TMEM108: variants seen among roughly 807,000 people sequenced by gnomAD.
TMEM108 encodes cancer/testis antigen 124.
In TMEM108, 12 loss-of-function variants were observed where a neutral mutation model predicts 35.1. That is an observed-to-expected ratio of 0.34 (90% CI 0.22 to 0.55). The LOEUF is 0.55. Ranked by LOEUF, TMEM108 falls within the 20% of genes least tolerant of loss-of-function variation. The probability of loss-of-function intolerance (pLI) is 0.89; values close to 1 mark genes in which losing one functional copy is unlikely to be tolerated. For synonymous variants in TMEM108, 287 were observed against 308.6 expected, an observed-to-expected ratio of 0.93 and a Z score of 0.73; for missense variants, 680 against 753.3, an observed-to-expected ratio of 0.90 and a Z score of 1.14.
chr3:133,098,321 C>T (rs945825732), intron 2 of TMEM108, among the ~76,000 whole-genome samples: 4 of 152,154 alleles, frequency 2.6e-5, no homozygotes, highest in Admixed American at 2.0e-4. Context: ...GAAAGTCCGG[C>T]CCCCTTGACT....
chr3:133,232,676 T>G (rs1416892423), intron 3 of TMEM108, among the ~76,000 whole-genome samples: 2 of 152,226 alleles, frequency 1.3e-5, no homozygotes, highest in Non-Finnish European at 2.9e-5. Context: ...GATGCAGTCT[T>G]TGGCAGGCAA....
At chr3:133,323,287 T>C (rs1170618521) in intron 3 of TMEM108, among the ~76,000 whole-genome samples, 1 of 152,070 alleles carries the variant, frequency 6.6e-6, no homozygotes, top group African/African-American at 2.4e-5. Context: ...CCCTGAAGAT[T>C]CATCCAAAAA....
chr3:133,316,209 G>A (rs2071196621), intron 3 of TMEM108, among the ~76,000 whole-genome samples: 2 of 152,256 alleles, frequency 1.3e-5, no homozygotes, highest in African/African-American at 4.8e-5. Flanking sequence ...AATGAAATAC[G>A]TACCCCACAT....
chr3:133,075,605 C>A (rs552522145), intron 2 of TMEM108, among the ~76,000 whole-genome samples: 12 of 152,284 alleles, frequency 7.9e-5, no homozygotes, highest in Admixed American at 4.6e-4. Context: ...TTAGCACATC[C>A]CCGTGGCTTT....
intron 3 of TMEM108, among the ~76,000 whole-genome samples, chr3:133,279,918 T>C (rs192886910): frequency 6.6e-4 from 100 of 152,344 alleles, no homozygotes; most frequent in African/African-American, 1.6e-3. Context: ...TGTAATTAGC[T>C]GGATGTAAAA....
At chr3:133,200,270 T>C (rs1288784569) in intron 2 of TMEM108, among the ~76,000 whole-genome samples, 1 of 151,862 alleles carries the variant, frequency 6.6e-6, no homozygotes, top group African/African-American at 2.4e-5. Context: ...CTGCACCCAC[T>C]CTCCTGCACC....
In TMEM108 at chr3:133,380,784, G is replaced by T. The variant is rs2072989816; in HGVS notation, c.1073G>T (p.Gly358Val). The change falls in exon 4 of 6, where the codon GGG (glycine) becomes GTG (valine). Residue 358 changes from glycine to valine, a missense_variant. By Grantham distance (109) the Gly-to-Val change is moderately radical. Around this residue, in one of 3 missense-constraint regions of TMEM108, gnomAD observed 526 missense variants for 532.1 expected, o/e 0.99. Transcript: ENST00000321871. The surrounding 1 kb of genome is among the most constrained non-coding windows in gnomAD (Gnocchi z 5.3). Reference protein sequence around the residue: ...TSSGVFTAATGPTPAAFDTSV... With the variant: ...TSSGVFTAATVPTPAAFDTSV... ...TCTGGGGTCTTCACGGCTGCCACGGGGCCCACCCCAGCTGCCTTCGATACC... is the reference window on the plus strand; with the variant it reads ...TCTGGGGTCTTCACGGCTGCCACGGTGCCCACCCCAGCTGCCTTCGATACC... 1 of 1,614,110 alleles carries T rather than the reference G, an allele frequency of 6.2e-7. No homozygotes were observed. Among genetic ancestry groups the T allele is most frequent in the Non-Finnish European group, 8.5e-7 (1 of 1,180,026 alleles).
rs116123804 is a variant in TMEM108 at position 133,355,148 on chromosome 3, T to A, written c.41-24604T>A. Among the ~76,000 whole-genome samples the A allele has an allele frequency of 7.8e-3, 1,186 of 152,332 alleles. 18 individuals carry two copies. Among genetic ancestry groups the A allele is most frequent in the African/African-American group, 0.026 (1,077 of 41,578 alleles). On this transcript the variant is annotated intron_variant, in intron 3 of 5. Coordinates refer to ENST00000321871, the MANE Select transcript of TMEM108 (RefSeq NM_023943.4). ...TGTATCTAAATGTCACTGCACAGCATTTGTGAATGGTTATAAAGAAGAAAA... is the reference window on the plus strand; with the variant it reads ...TGTATCTAAATGTCACTGCACAGCAATTGTGAATGGTTATAAAGAAGAAAA...
intron 3 of TMEM108, among the ~76,000 whole-genome samples, chr3:133,229,878 T>G (rs966038448): frequency 2.0e-5 from 3 of 152,234 alleles, no homozygotes; most frequent in South Asian, 2.1e-4. Context: ...CTTCTTGGTT[T>G]TGTGGTGGAA....
At chr3:133,354,883 T>A (rs1397280182) in intron 3 of TMEM108, among the ~76,000 whole-genome samples, 1 of 149,778 alleles carries the variant, frequency 6.7e-6, no homozygotes, top group African/African-American at 2.5e-5. Flanking sequence ...AGCACATGTT[T>A]AAAAAAAAAA....
intron 3 of TMEM108, among the ~76,000 whole-genome samples, chr3:133,321,131 A>G (rs902949541): frequency 3.9e-5 from 6 of 152,230 alleles, no homozygotes; most frequent in Admixed American, 1.3e-4. Flanking sequence ...CATTCAGACA[A>G]CAACTAGTAC....
intron 2 of TMEM108, among the ~76,000 whole-genome samples, chr3:133,075,111 A>T (rs552674569): frequency 7.2e-5 from 11 of 152,230 alleles, no homozygotes; most frequent in Non-Finnish European, 5.9e-5. Flanking sequence ...CAGAGCATCC[A>T]CCACATTTTT....
chr3:133,162,576 C>G (rs977008616), intron 2 of TMEM108, among the ~76,000 whole-genome samples: 1 of 152,194 alleles, frequency 6.6e-6, no homozygotes, highest in African/African-American at 2.4e-5. Flanking sequence ...CATTAATGCC[C>G]TCTGTTCAGC....
intron 2 of TMEM108, among the ~76,000 whole-genome samples, chr3:133,088,878 G>T (rs1349863356): frequency 6.6e-6 from 1 of 152,144 alleles, no homozygotes; most frequent in African/African-American, 2.4e-5. Flanking sequence ...TTCTTGCATT[G>T]CTATCAGAAA....
At chr3:133,049,102 C>T (rs952557816) in intron 2 of TMEM108, among the ~76,000 whole-genome samples, 9 of 152,112 alleles carry the variant, frequency 5.9e-5, no homozygotes, top group Non-Finnish European at 1.0e-4. Context: ...TTACTTCTTA[C>T]AAATGATGTC....
At chr3:133,325,104 G>C (rs1203905184) in intron 3 of TMEM108, among the ~76,000 whole-genome samples, 1 of 152,086 alleles carries the variant, frequency 6.6e-6, no homozygotes, top group African/African-American at 2.4e-5. Context: ...ACAAGTGGTT[G>C]GTTGATGAAA....
intron 3 of TMEM108, among the ~76,000 whole-genome samples, chr3:133,355,396 T>C (rs966330105): frequency 6.6e-6 from 1 of 152,220 alleles, no homozygotes; most frequent in Non-Finnish European, 1.5e-5. Flanking sequence ...TTGCCTGTGA[T>C]GGGTGAATAT....
At chr3:133,205,289 T>C (rs1334061039) in intron 2 of TMEM108, among the ~76,000 whole-genome samples, 2 of 152,186 alleles carry the variant, frequency 1.3e-5, no homozygotes, top group East Asian at 3.8e-4. Context: ...AATTGGGGCA[T>C]TTAGCTGGTT....
intron 3 of TMEM108, among the ~76,000 whole-genome samples, chr3:133,292,896 A>G (rs1947093019): frequency 6.6e-6 from 1 of 152,200 alleles, no homozygotes; most frequent in African/African-American, 2.4e-5. Context: ...AACTGGCCAA[A>G]TGAGACATTC....
Sources: allele counts gnomAD v4.1 joint callset (sites outside exome capture counted in the v4.1 genomes callset), GRCh38; gene constraint gnomAD v4.1.1; regional missense constraint gnomAD v4.1.1; non-coding constraint Gnocchi (gnomAD v3.1); transcripts MANE v1.5; gene names NCBI Gene and HGNC (gene_info 2026-07-23, HGNC 2026-07-21).